The following NEBL variants were observed in gnomAD, a reference collection of about 807,000 sequenced individuals.
NEBL encodes the protein LIM and SH3 protein 2.
NEBL carries 122 observed loss-of-function variants against 140.2 expected under a neutral mutation model. The ratio of observed to expected loss-of-function variants is 0.87; its 90% confidence interval spans 0.75 to 1.01. The LOEUF is 1.01. Ranked by LOEUF, NEBL falls within the 50% of genes least tolerant of loss-of-function variation. The pLI, the probability that NEBL is intolerant of heterozygous loss-of-function variation, is 0.00. For missense variants in NEBL, 1,365 were observed against 1,231.3 expected (o/e 1.11, Z -1.62); for synonymous variants, 436 against 398.9 (o/e 1.09, Z -1.11).
Position 21,173,508 on chromosome 10 carries a change from C to G in NEBL, c.69+257G>C, listed in dbSNP as rs1841177554. ...TCCGGGGCTGCGCACCGCCGTGCGC[C>G]CTCCGCAGAGGCTCTGCCGATGTCG... On this transcript the variant is annotated intron_variant, in intron 1 of 6. Coordinates refer to the NEBL transcript ENST00000417816. This position sits in a 1 kb window ranked among gnomAD's most constrained non-coding sequence, Gnocchi z 5.7. 6.6e-6 allele frequency among the ~76,000 whole-genome samples: 1 copy of G among 152,144 alleles called. No individual in the cohort carries two copies. The highest frequency in any genetic ancestry group is 6.5e-5 in the Admixed American group (1 of 15,294).
intron 4 of NEBL, among the ~76,000 whole-genome samples, chr10:20,935,036 G>A (rs1834404158): frequency 6.6e-6 from 1 of 152,116 alleles, no homozygotes; most frequent in South Asian, 2.1e-4. Context: ...CTTACTGAAG[G>A]CCAATACATG....
At chr10:21,127,909 A>C (rs1244539774) in intron 2 of NEBL, among the ~76,000 whole-genome samples, 1 of 152,258 alleles carries the variant, frequency 6.6e-6, no homozygotes, top group Non-Finnish European at 1.5e-5. Context: ...GATAACCAAT[A>C]AAATGTGAAC....
At chr10:21,152,443 T>A (rs889425450) in intron 2 of NEBL, among the ~76,000 whole-genome samples, 2 of 152,120 alleles carry the variant, frequency 1.3e-5, no homozygotes, top group African/African-American at 2.4e-5. Context: ...GTATCCAACA[T>A]TGACAAACCT....
intron 3 of NEBL, among the ~76,000 whole-genome samples, chr10:21,187,124 T>C (rs1841487151): frequency 1.3e-5 from 2 of 151,960 alleles, no homozygotes; most frequent in African/African-American, 2.4e-5. Flanking sequence ...CCTATGTATA[T>C]ATACATACAT....
At chr10:21,073,664 T>G (rs1835925651) in intron 2 of NEBL, among the ~76,000 whole-genome samples, 1 of 151,780 alleles carries the variant, frequency 6.6e-6, no homozygotes, top group Non-Finnish European at 1.5e-5. Flanking sequence ...TATTACTGCT[T>G]TCTTTTCCCC....
chr10:21,234,238 A>G (rs954751662), intron 3 of NEBL, among the ~76,000 whole-genome samples: 1 of 152,076 alleles, frequency 6.6e-6, no homozygotes, highest in Non-Finnish European at 1.5e-5. Flanking sequence ...TCACATGTTG[A>G]AATGTAATCC....
At chr10:21,169,067 A>AAAT (rs1554830679) in intron 2 of NEBL, among the ~76,000 whole-genome samples, 2 of 23,076 alleles carry the variant, frequency 8.7e-5, no homozygotes, top group African/African-American at 1.3e-4. Context: ...AAAAAAAAAA[A>AAAT]ATATATATAT....
intron 2 of NEBL, among the ~76,000 whole-genome samples, chr10:21,142,975 A>C (rs746510463): frequency 4.6e-5 from 7 of 152,136 alleles, no homozygotes; most frequent in Non-Finnish European, 7.4e-5. Flanking sequence ...ACAGTGGTGA[A>C]TTTGAGACTT....
chr10:21,156,151 C>T (rs1243210086), intron 2 of NEBL, among the ~76,000 whole-genome samples: 1 of 152,212 alleles, frequency 6.6e-6, no homozygotes, highest in Admixed American at 6.5e-5. Context: ...TGCTGGCATT[C>T]ATTTATTGGG....
At chr10:21,189,690 A>G (rs1366794077) in intron 3 of NEBL, among the ~76,000 whole-genome samples, 2 of 151,746 alleles carry the variant, frequency 1.3e-5, no homozygotes, top group African/African-American at 2.4e-5. Context: ...GATGGTCTTG[A>G]TCTCCTGACC....
chr10:20,870,905 G>C (rs1269684480), intron 5 of NEBL, among the ~76,000 whole-genome samples: 1 of 152,214 alleles, frequency 6.6e-6, no homozygotes, highest in African/African-American at 2.4e-5. Flanking sequence ...TGGAAAGAGA[G>C]ACAAAAATTG....
At chr10:21,121,038 G>A (rs892005286) in intron 2 of NEBL, among the ~76,000 whole-genome samples, 2 of 152,142 alleles carry the variant, frequency 1.3e-5, no homozygotes, top group African/African-American at 4.8e-5. Context: ...GGAGGCATCT[G>A]AAAACATCAC....
chr10:21,206,642 A>C (rs1841829735), intron 3 of NEBL, among the ~76,000 whole-genome samples: 1 of 152,190 alleles, frequency 6.6e-6, no homozygotes, highest in African/African-American at 2.4e-5. Context: ...CCACTGAATG[A>C]GGAGACAGGA....
At chr10:20,953,258 G>C (rs1237810097) in intron 4 of NEBL, among the ~76,000 whole-genome samples, 1 of 152,150 alleles carries the variant, frequency 6.6e-6, no homozygotes, top group African/African-American at 2.4e-5. Flanking sequence ...CCTTCTAAGA[G>C]GAGGAGACAC....
intron 2 of NEBL, among the ~76,000 whole-genome samples, chr10:21,076,584 A>G (rs1489834269): frequency 6.6e-6 from 1 of 152,062 alleles, no homozygotes; most frequent in East Asian, 1.9e-4. Context: ...AGCGTTGACC[A>G]CAACAGATAA....
At chr10:21,258,311 G>A (rs1842691808) in intron 1 of NEBL, among the ~76,000 whole-genome samples, 1 of 152,212 alleles carries the variant, frequency 6.6e-6, no homozygotes, top group Non-Finnish European at 1.5e-5. Flanking sequence ...GCTTATGCCT[G>A]TAATCCCACT....
At chr10:21,029,711 G>A in intron 2 of NEBL, 1 of 919,232 alleles carries the variant, frequency 1.1e-6, no homozygotes, top group Non-Finnish European at 1.8e-6. Context: ...CGTGGGTATT[G>A]GTATGAGTAT....
chr10:21,186,257 AACACACACAC>A (rs765894739), intron 3 of NEBL, among the ~76,000 whole-genome samples: 146 of 124,820 alleles, frequency 1.2e-3, no homozygotes, highest in African/African-American at 3.0e-3. Flanking sequence ...TATATATACA[AACACACACAC>A]ACACACACAC....
intron 2 of NEBL, among the ~76,000 whole-genome samples, chr10:21,035,364 A>C (rs183318432): frequency 6.7e-6 from 1 of 149,574 alleles, no homozygotes; most frequent in Admixed American, 6.7e-5. Context: ...TTACAACAGT[A>C]TGTGTTAAAG....
Sources: gnomAD v4.1 joint callset for allele counts (sites outside exome capture counted in the v4.1 genomes callset) on GRCh38, gnomAD v4.1.1 for gene constraint, Gnocchi (gnomAD v3.1) non-coding constraint, MANE v1.5 for transcripts, NCBI Gene and HGNC (gene_info 2026-07-23, HGNC 2026-07-21) for gene names.